The following ERC2 variants were observed in gnomAD, a reference collection of about 807,000 sequenced individuals.
ERC2 encodes the protein ELKS/RAB6-interacting/CAST family member 2.
Under a neutral mutation model 114.8 loss-of-function variants are expected in ERC2, and 42 were observed. That is an observed-to-expected ratio of 0.37 (90% confidence interval 0.29 to 0.47). The LOEUF (loss-of-function observed/expected upper bound fraction) is 0.47, where lower values mean the gene tolerates loss of function less well. ERC2 is among the 20% of genes least tolerant of loss of function. The pLI is 0.99. For missense variants in ERC2, 939 were observed against 1,150.7 expected (o/e 0.82, Z 2.66); for synonymous variants, 454 against 425.5 (o/e 1.07, Z -0.82).
intron 17 of ERC2, among the ~76,000 whole-genome samples, chr3:55,541,573 C>A (rs62251471): frequency 6.6e-6 from 1 of 152,204 alleles, no homozygotes; most frequent in African/African-American, 2.4e-5. Flanking sequence ...CTGACTATCT[C>A]TGACTATCTC....
intron 14 of ERC2, among the ~76,000 whole-genome samples, chr3:55,821,740 T>C (rs1466589066): frequency 2.0e-5 from 3 of 152,242 alleles, no homozygotes; most frequent in Non-Finnish European, 4.4e-5. Flanking sequence ...ATTAACCTAA[T>C]AACACCTAAT....
At chr3:56,267,288 A>G (rs575747282) in intron 3 of ERC2, among the ~76,000 whole-genome samples, 4 of 152,340 alleles carry the variant, frequency 2.6e-5, no homozygotes, top group African/African-American at 7.2e-5. Context: ...TTTGCTTTTA[A>G]TAAGGAGATC....
intron 17 of ERC2, among the ~76,000 whole-genome samples, chr3:55,596,103 C>T (rs889372674): frequency 3.0e-4 from 45 of 152,144 alleles, no homozygotes; most frequent in African/African-American, 1.0e-3. Flanking sequence ...ATATGTAACT[C>T]CCAAACCAGT....
intron 17 of ERC2, among the ~76,000 whole-genome samples, chr3:55,571,216 T>G (rs1310241461): frequency 1.3e-5 from 2 of 152,038 alleles, no homozygotes; most frequent in Non-Finnish European, 2.9e-5. Flanking sequence ...GGGTCTGTTT[T>G]GTGCACAACT....
chr3:55,827,249 G>T (rs1208017064), intron 14 of ERC2, among the ~76,000 whole-genome samples: 2 of 147,204 alleles, frequency 1.4e-5, no homozygotes, highest in Non-Finnish European at 3.0e-5. Context: ...GGGAGAAAGA[G>T]AAAGAAACAG....
At chr3:55,661,847 G>A (rs1247033324) in intron 17 of ERC2, among the ~76,000 whole-genome samples, 1 of 152,050 alleles carries the variant, frequency 6.6e-6, no homozygotes, top group Non-Finnish European at 1.5e-5. Flanking sequence ...AAAAAAGTGG[G>A]CCCACCTCCT....
At chr3:56,214,326 A>G (rs1442000440) in intron 3 of ERC2, among the ~76,000 whole-genome samples, 7 of 150,912 alleles carry the variant, frequency 4.6e-5, no homozygotes, top group Non-Finnish European at 1.0e-4. Context: ...AAACTACAGC[A>G]CGAGAACTAC....
At chr3:56,078,893 C>G (rs1449405073) in intron 7 of ERC2, among the ~76,000 whole-genome samples, 1 of 149,614 alleles carries the variant, frequency 6.7e-6, no homozygotes, top group East Asian at 1.9e-4. Flanking sequence ...CATATACACA[C>G]AAAAACACAT....
chr3:55,924,722 CAAGA>C (rs934959178), intron 13 of ERC2, among the ~76,000 whole-genome samples: 40 of 152,180 alleles, frequency 2.6e-4, no homozygotes, highest in African/African-American at 9.4e-4. Flanking sequence ...AACTAAAAGC[CAAGA>C]ACTAAGGCTT....
At chr3:55,918,137 G>A (rs1044026426) in intron 13 of ERC2, among the ~76,000 whole-genome samples, 2 of 151,816 alleles carry the variant, frequency 1.3e-5, no homozygotes, top group African/African-American at 4.8e-5. Context: ...TTATATTCCA[G>A]GTCTGAAAAT....
chr3:55,953,536 A>G (rs553222819), intron 12 of ERC2, among the ~76,000 whole-genome samples: 2 of 152,262 alleles, frequency 1.3e-5, no homozygotes, highest in South Asian at 4.1e-4. Flanking sequence ...GCTTACTTGA[A>G]AGTCAAAAGG....
intron 17 of ERC2, among the ~76,000 whole-genome samples, chr3:55,549,497 T>C (rs76110673): frequency 2.7e-5 from 4 of 149,940 alleles, no homozygotes; most frequent in African/African-American, 5.0e-5. Context: ...TTTTTTTTTT[T>C]CCTGTGCTTT....
intron 3 of ERC2, among the ~76,000 whole-genome samples, chr3:56,286,522 A>G (rs761979657): frequency 5.3e-5 from 8 of 152,050 alleles, no homozygotes; most frequent in Non-Finnish European, 1.2e-4. Context: ...TCCTCTAAAT[A>G]TAACTAATTG....
intron 13 of ERC2, among the ~76,000 whole-genome samples, chr3:55,907,577 C>G (rs963351155): frequency 6.6e-6 from 1 of 152,216 alleles, no homozygotes; most frequent in Non-Finnish European, 1.5e-5. Flanking sequence ...AACAGAGCTA[C>G]AGAAGGGCAT....
At chr3:55,982,289 G>C (rs1024547088) in intron 12 of ERC2, among the ~76,000 whole-genome samples, 11 of 152,126 alleles carry the variant, frequency 7.2e-5, no homozygotes, top group African/African-American at 2.4e-4. Flanking sequence ...AGTGGCAAAA[G>C]ATCCCATCTG....
chr3:55,815,517 C>A (rs756567156), intron 14 of ERC2, among the ~76,000 whole-genome samples: 1 of 152,186 alleles, frequency 6.6e-6, no homozygotes, highest in East Asian at 1.9e-4. Context: ...AGAAGGCAAT[C>A]AATTCTGCCA....
chr3:55,962,940 C>A (rs1252587750), intron 12 of ERC2, among the ~76,000 whole-genome samples: 9 of 152,214 alleles, frequency 5.9e-5, no homozygotes, highest in Non-Finnish European at 1.2e-4. Flanking sequence ...TGTAGTTCAG[C>A]CACTTCAAGA....
intron 15 of ERC2, among the ~76,000 whole-genome samples, chr3:55,707,264 C>T (rs1234521997): frequency 5.3e-5 from 8 of 151,918 alleles, no homozygotes; most frequent in Admixed American, 2.0e-4. Context: ...TGAAACCCCA[C>T]GTCTACAAAA....
intron 2 of ERC2, among the ~76,000 whole-genome samples, chr3:56,335,717 T>C (rs376996856): frequency 5.3e-5 from 8 of 152,182 alleles, no homozygotes; most frequent in African/African-American, 1.9e-4. Context: ...ATTTAAACAA[T>C]AATTAGAAGG....
Sources: allele counts gnomAD v4.1 joint callset (sites outside exome capture counted in the v4.1 genomes callset), GRCh38; gene constraint gnomAD v4.1.1; transcripts MANE v1.5; gene names NCBI Gene and HGNC (gene_info 2026-07-23, HGNC 2026-07-21).